The following C4orf51 variants were observed in gnomAD, a reference collection of about 807,000 sequenced individuals.
C4orf51 encodes uncharacterized protein C4orf51.
Under a neutral mutation model 25.2 loss-of-function variants are expected in C4orf51, and 25 were observed. The observed-to-expected ratio is 0.99, with a 90% CI of 0.72 to 1.39. The LOEUF is 1.39. C4orf51 is among the 40% of genes most tolerant of loss of function. The pLI is 0.00. For synonymous variants in C4orf51, 100 were observed against 84.5 expected (o/e 1.18, Z -1.01); for missense variants, 252 against 239.6 (o/e 1.05, Z -0.34).
intron 2 of C4orf51, among the ~76,000 whole-genome samples, chr4:145,717,462 A>G (rs1386643356): frequency 6.6e-6 from 1 of 152,254 alleles, no homozygotes; most frequent in Non-Finnish European, 1.5e-5. Context: ...TAATTTACCC[A>G]AATGATAATT....
intron 1 of C4orf51, among the ~76,000 whole-genome samples, chr4:145,764,504 C>T (rs1442420909): frequency 2.0e-5 from 3 of 152,090 alleles, no homozygotes; most frequent in Non-Finnish European, 4.4e-5. Flanking sequence ...AGCACATGAT[C>T]GTTGCATGAA....
At chr4:145,740,917 C>T (rs1445161616) in intron 1 of C4orf51, among the ~76,000 whole-genome samples, 1 of 152,186 alleles carries the variant, frequency 6.6e-6, no homozygotes, top group African/African-American at 2.4e-5. Context: ...CCTTTCCTCC[C>T]ATTCTATCTG....
At chr4:145,682,982 A>T (rs1345877063) in intron 1 of C4orf51, among the ~76,000 whole-genome samples, 1 of 152,164 alleles carries the variant, frequency 6.6e-6, no homozygotes, top group African/African-American at 2.4e-5. Context: ...CTACATAGAA[A>T]ATCTGAAAGA....
chr4:145,703,154 G>A (rs1303090236), intron 2 of C4orf51, among the ~76,000 whole-genome samples: 1 of 151,420 alleles, frequency 6.6e-6, no homozygotes, highest in Non-Finnish European at 1.5e-5. Flanking sequence ...CAAAAGAAGT[G>A]AATATGCCCT....
At chr4:145,760,375 C>G (rs934638240) in intron 1 of C4orf51, 1 of 152,364 alleles carries the variant, frequency 6.6e-6, no homozygotes, top group African/African-American at 2.4e-5. Flanking sequence ...ATTCACCCAA[C>G]AGAAAACCAA....
At position 145,680,291 on chromosome 4, in the gene C4orf51, G is replaced by A; in HGVS notation, c.88G>A (p.Ala30Thr). Residue 30 changes from alanine (A) to threonine (T), a missense_variant, in exon 1 of 6, where the codon GCT becomes ACT. Coordinates refer to ENST00000438731, the MANE Select transcript of C4orf51 (RefSeq NM_001080531.3). ...AGAGTTTGATCTGATCAGACGCAAG[G>A]CTGGAGCATCTTGGCAGGATGAAAC... ...SQEFDLIRRK[A>T]GASWQDETRW... The A allele has an allele frequency of 6.2e-7, 1 of 1,613,960 alleles. No homozygotes were observed.
At chr4:145,779,315 G>A in the C4orf51 span, 10 of 1,567,384 alleles carry the variant, frequency 6.4e-6, no homozygotes, top group Admixed American at 9.7e-5. Flanking sequence ...AGTTTCCGGA[G>A]AGTAAAGAAG....
At chr4:145,781,644 T>TA in the C4orf51 span, among the ~76,000 whole-genome samples, 33 of 150,554 alleles carry the variant, frequency 2.2e-4, no homozygotes, top group East Asian at 7.8e-4. Context: ...TGAAGAGAAG[T>TA]AAAAAAAAAG....
At chr4:145,769,687 G>A (rs1735946902) in intron 1 of C4orf51, among the ~76,000 whole-genome samples, 1 of 152,154 alleles carries the variant, frequency 6.6e-6, no homozygotes, top group South Asian at 2.1e-4. Flanking sequence ...TGCCAGCCAA[G>A]TCCAAGGCTA....
At chr4:145,753,546 G>A (rs1435373720) in intron 1 of C4orf51, among the ~76,000 whole-genome samples, 2 of 152,154 alleles carry the variant, frequency 1.3e-5, no homozygotes, top group African/African-American at 2.4e-5. Context: ...TCTGTTATGA[G>A]TGCACCTACT....
intron 2 of C4orf51, among the ~76,000 whole-genome samples, chr4:145,717,024 C>T (rs1322990571): frequency 1.3e-5 from 2 of 152,188 alleles, no homozygotes; most frequent in African/African-American, 4.8e-5. Context: ...ACATGTCATT[C>T]ATAGTAAGTT....
At chr4:145,709,739 G>A (rs1578968355) in intron 2 of C4orf51, among the ~76,000 whole-genome samples, 1 of 152,168 alleles carries the variant, frequency 6.6e-6, no homozygotes, top group Admixed American at 6.5e-5. Context: ...CCCAAGCATT[G>A]CATGGGTTTA....
At position 145,729,451 on chromosome 4, in the gene C4orf51, G is replaced by A. The variant is rs186275016; in HGVS notation, c.427+222G>A. On this transcript the variant is annotated intron_variant, in intron 4 of 5. Coordinates refer to ENST00000438731, the MANE Select transcript of C4orf51 (RefSeq NM_001080531.3). ...CGAGTAGCTGGGACTACCGGCGCCC[G>A]CCACCACACCCGGCTAATTTTTTGT... is the stretch of plus-strand genomic sequence containing the variant. Among the ~76,000 whole-genome samples, 398 of 151,738 alleles carry A rather than the reference G, an allele frequency of 2.6e-3. 4 individuals are homozygous for A. Among genetic ancestry groups the A allele is most frequent in the East Asian group, 0.021 (108 of 5,158 alleles).
intron 2 of C4orf51, 80 bp downstream of exon 2, chr4:145,696,712 C>T (rs1279370037): frequency 1.9e-6 from 2 of 1,030,874 alleles, no homozygotes; most frequent in African/African-American, 3.2e-5. Flanking sequence ...TTTTTTTTCT[C>T]TCACTTTACT....
rs573462857 is a variant in C4orf51, at chr4:145,762,716, G to A, written n.167-8272G>A. On this transcript the variant is annotated intron_variant and non_coding_transcript_variant, in intron 1 of 1. Transcript: ENST00000510096. This position sits in a 1 kb window ranked among gnomAD's most constrained non-coding sequence, Gnocchi z 4.9. ...CCTCCTGGCTGTCCAGAGGGGCCACGAGGAGTGGTGAGGCCATGTTAACAA... is the reference window on the plus strand; with the variant it reads ...CCTCCTGGCTGTCCAGAGGGGCCACAAGGAGTGGTGAGGCCATGTTAACAA... Among the ~76,000 whole-genome samples, 15 of 152,300 alleles carry A rather than the reference G, an allele frequency of 9.8e-5. 1 individual carries two copies. The East Asian group carries it at 1.2e-3, about 12-fold the overall frequency.
chr4:145,752,629 TG>T (rs1441177501), intron 1 of C4orf51, among the ~76,000 whole-genome samples: 1 of 152,204 alleles, frequency 6.6e-6, no homozygotes, highest in Admixed American at 6.5e-5. Context: ...AGGGTTGGCA[TG>T]GGCACTCCCT....
chr4:145,789,569 A>C, the C4orf51 span, among the ~76,000 whole-genome samples: 1 of 152,212 alleles, frequency 6.6e-6, no homozygotes, highest in African/African-American at 2.4e-5. Context: ...ACAAAACAAA[A>C]GCAAAAACAG....
At chr4:145,786,240 TG>T in the C4orf51 span, among the ~76,000 whole-genome samples, 2 of 152,364 alleles carry the variant, frequency 1.3e-5, no homozygotes, top group East Asian at 3.9e-4. Flanking sequence ...TGTTTGGCTT[TG>T]TGGGCACATT....
Position 145,738,423 on chromosome 4 carries a change from C to G in C4orf51, n.167+5804C>G, listed in dbSNP as rs181163750. 3.5e-3 allele frequency among the ~76,000 whole-genome samples: 520 copies of G among 150,108 alleles called. 1 individual carries two copies. The highest frequency in any genetic ancestry group is 0.012 in the African/African-American group (490 of 40,890). Reference sequence around the variant, plus strand: ...TGAGATCGCACCACTGCACTCCAGCCTGGGCGACAGAGCGAGACTCTATCT... The same window carrying G: ...TGAGATCGCACCACTGCACTCCAGCGTGGGCGACAGAGCGAGACTCTATCT... On this transcript the variant is annotated intron_variant and non_coding_transcript_variant, in intron 1 of 1. Coordinates refer to the C4orf51 transcript ENST00000508981.
Sources: allele counts gnomAD v4.1 joint callset (sites outside exome capture counted in the v4.1 genomes callset), GRCh38; gene constraint gnomAD v4.1.1; non-coding constraint Gnocchi (gnomAD v3.1); transcripts MANE v1.5; gene names NCBI Gene and HGNC (gene_info 2026-07-23, HGNC 2026-07-21).